Variants in CSMD1 observed in about 807,000 individuals in gnomAD.
CSMD1 encodes the protein CUB and Sushi multiple domains 1, also known as CUB and sushi domain-containing protein 1.
A neutral mutation model predicts 417.5 loss-of-function variants in CSMD1; 213 were observed. The observed-to-expected ratio is 0.51, with a 90% CI of 0.46 to 0.57. The LOEUF (loss-of-function observed/expected upper bound fraction) is 0.57. Among genes scored for constraint, CSMD1 ranks in the 20% least tolerant of loss-of-function variants. CSMD1 has a pLI of 0.00. For synonymous variants in CSMD1, 2,862 were observed against 1,736.8 expected, an observed-to-expected ratio of 1.65 and a Z score of -16.11; for missense variants, 6,923 against 4,529.7, an observed-to-expected ratio of 1.53 and a Z score of -15.17.
chr8:4,174,455 G>C (rs866124781), intron 3 of CSMD1, among the ~76,000 whole-genome samples: 2 of 151,668 alleles, frequency 1.3e-5, no homozygotes, highest in Admixed American at 6.6e-5. Context: ...TTTTTCTATT[G>C]TTTAAATAAT....
At chr8:4,536,213 T>C (rs1332652667) in intron 2 of CSMD1, among the ~76,000 whole-genome samples, 1 of 152,192 alleles carries the variant, frequency 6.6e-6, no homozygotes, top group East Asian at 1.9e-4. Context: ...GCTTTTGCAT[T>C]TCATTTTAAC....
intron 3 of CSMD1, among the ~76,000 whole-genome samples, chr8:4,229,975 C>T (rs903095876): frequency 9.9e-5 from 15 of 152,276 alleles, no homozygotes; most frequent in Admixed American, 3.3e-4. Context: ...CTAAAGCCGA[C>T]ATTATAACAC....
At chr8:4,957,024 T>C (rs559652043) in intron 1 of CSMD1, among the ~76,000 whole-genome samples, 2 of 152,326 alleles carry the variant, frequency 1.3e-5, no homozygotes, top group Non-Finnish European at 2.9e-5. Context: ...TAGCTAGAAA[T>C]GTGAGAAGAA....
intron 25 of CSMD1, among the ~76,000 whole-genome samples, chr8:3,303,294 G>A (rs1188512044): frequency 1.3e-5 from 2 of 152,120 alleles, no homozygotes; most frequent in East Asian, 1.9e-4. Context: ...GATCTGGAAG[G>A]TTGATCAGAA....
intron 7 of CSMD1, among the ~76,000 whole-genome samples, chr8:3,693,765 T>G (rs577239345): frequency 6.6e-6 from 1 of 151,962 alleles, no homozygotes; most frequent in Admixed American, 6.6e-5. Context: ...ATGTGTGTTT[T>G]GTGTGTATTG....
intron 2 of CSMD1, among the ~76,000 whole-genome samples, chr8:4,466,615 G>C (rs1480151881): frequency 6.6e-6 from 1 of 152,148 alleles, no homozygotes; most frequent in Non-Finnish European, 1.5e-5. Context: ...TCATAAGCCA[G>C]TTCAATTTTT....
chr8:4,166,292 G>A (rs1244138247), intron 3 of CSMD1, among the ~76,000 whole-genome samples: 1 of 151,942 alleles, frequency 6.6e-6, no homozygotes, highest in African/African-American at 2.4e-5. Flanking sequence ...AGTTCTTAAT[G>A]GAATATTTTG....
intron 10 of CSMD1, among the ~76,000 whole-genome samples, chr8:3,565,199 C>CAGATAGAT (rs57979540): frequency 6.8e-5 from 6 of 88,490 alleles, no homozygotes; most frequent in Admixed American, 1.4e-4. Context: ...CATAGATAGA[C>CAGATAGAT]AGATAGATAG....
chr8:3,067,204 C>T (rs996158294), intron 49 of CSMD1, among the ~76,000 whole-genome samples: 3 of 152,146 alleles, frequency 2.0e-5, no homozygotes, highest in Non-Finnish European at 2.9e-5. Flanking sequence ...TCCCAGGCCC[C>T]ATGCGTGAGA....
intron 3 of CSMD1, among the ~76,000 whole-genome samples, chr8:4,379,079 G>T (rs1269806104): frequency 6.6e-6 from 1 of 152,130 alleles, no homozygotes. Context: ...GAGATATTCA[G>T]CCTACACCAC....
intron 1 of CSMD1, among the ~76,000 whole-genome samples, chr8:4,884,146 AC>A (rs1249531935): frequency 6.6e-6 from 1 of 151,934 alleles, no homozygotes; most frequent in African/African-American, 2.4e-5. Context: ...GTCTATTCAC[AC>A]CTTTTGCTTC....
chr8:4,736,475 GA>G (rs1487341308), intron 1 of CSMD1, among the ~76,000 whole-genome samples: 1 of 152,034 alleles, frequency 6.6e-6, no homozygotes, highest in Non-Finnish European at 1.5e-5. Flanking sequence ...GCAAATACAA[GA>G]AAAACTAAAG....
At chr8:4,487,050 T>C (rs1308946512) in intron 2 of CSMD1, among the ~76,000 whole-genome samples, 1 of 152,174 alleles carries the variant, frequency 6.6e-6, no homozygotes. Context: ...GTAATATCTT[T>C]CCGCTTTCTA....
chr8:3,807,842 G>C (rs959787680), intron 5 of CSMD1, among the ~76,000 whole-genome samples: 1 of 152,116 alleles, frequency 6.6e-6, no homozygotes, highest in Admixed American at 6.6e-5. Context: ...TTTACAAATG[G>C]AATGACTGTG....
At chr8:3,755,785 T>G (rs1055602229) in intron 5 of CSMD1, among the ~76,000 whole-genome samples, 5 of 152,132 alleles carry the variant, frequency 3.3e-5, no homozygotes, top group African/African-American at 1.2e-4. Context: ...ATTACAACAG[T>G]GTTTATGCCA....
intron 8 of CSMD1, among the ~76,000 whole-genome samples, chr8:3,593,521 CCCGGG>C (rs1423556402): frequency 3.7e-4 from 56 of 152,180 alleles, no homozygotes; most frequent in African/African-American, 1.4e-3. Flanking sequence ...CTCTCCACAG[CCCGGG>C]CCCTTAACGT....
intron 3 of CSMD1, among the ~76,000 whole-genome samples, chr8:4,230,259 T>C (rs1801634923): frequency 6.6e-6 from 1 of 152,220 alleles, no homozygotes; most frequent in Non-Finnish European, 1.5e-5. Context: ...TTTATATCGT[T>C]GAGTATCTTA....
chr8:3,682,755 C>T (rs560986811), intron 7 of CSMD1, among the ~76,000 whole-genome samples: 68 of 152,206 alleles, frequency 4.5e-4, no homozygotes, highest in Middle Eastern at 3.4e-3. Context: ...ATGTTTATTG[C>T]GGCACTATTC....
chr8:3,013,857 G>A (rs1808613471), intron 52 of CSMD1, among the ~76,000 whole-genome samples: 1 of 151,966 alleles, frequency 6.6e-6, no homozygotes, highest in Non-Finnish European at 1.5e-5. Flanking sequence ...TTAAAAAACT[G>A]AAGTCATGAT....
Sources: gnomAD v4.1 joint callset for allele counts (sites outside exome capture counted in the v4.1 genomes callset) on GRCh38, gnomAD v4.1.1 for gene constraint, MANE v1.5 for transcripts, NCBI Gene and HGNC (gene_info 2026-07-23, HGNC 2026-07-21) for gene names.